Variants in PDCD10 observed in about 807,000 individuals in gnomAD.
PDCD10 encodes programmed cell death 10, also known as programmed cell death protein 10.
Under a neutral mutation model 29.2 loss-of-function variants are expected in PDCD10, and 4 were observed. The ratio of observed to expected loss-of-function variants is 0.14; its 90% CI spans 0.07 to 0.31. The LOEUF is 0.31. Among genes scored for constraint, PDCD10 ranks in the 10% least tolerant of loss-of-function variants. The pLI, the probability that PDCD10 is intolerant of heterozygous loss-of-function variation, is 1.00. For missense variants in PDCD10, 183 were observed against 257.9 expected (o/e 0.71, Z 1.99); for synonymous variants, 70 against 82.2 (o/e 0.85, Z 0.80).
chr3:167,684,622 T>C (rs374161744), intron 8 of PDCD10, among the ~76,000 whole-genome samples: 1 of 152,164 alleles, frequency 6.6e-6, no homozygotes, highest in African/African-American at 2.4e-5. Flanking sequence ...GGAGGACTGC[T>C]AATGATAGTG....
At chr3:167,732,214 T>TA (rs1368246946) in intron 2 of PDCD10, among the ~76,000 whole-genome samples, 1 of 152,204 alleles carries the variant, frequency 6.6e-6, no homozygotes, top group Admixed American at 6.5e-5. Context: ...TCCCACCAGT[T>TA]ACAAGTCACT....
chr3:167,696,753 A>G (rs1222079991), intron 5 of PDCD10, among the ~76,000 whole-genome samples: 2 of 152,130 alleles, frequency 1.3e-5, no homozygotes, highest in Admixed American at 6.6e-5. Context: ...TAAAGGGGGG[A>G]AAAATTGAAG....
intron 2 of PDCD10, among the ~76,000 whole-genome samples, chr3:167,721,546 A>C (rs1723563396): frequency 6.6e-6 from 1 of 152,190 alleles, no homozygotes; most frequent in African/African-American, 2.4e-5. Context: ...AGACCTAACA[A>C]GACTGAAAGA....
chr3:167,718,444 G>A (rs559400009), intron 3 of PDCD10, among the ~76,000 whole-genome samples: 1 of 152,156 alleles, frequency 6.6e-6, no homozygotes, highest in East Asian at 1.9e-4. Context: ...AGCTGCCAAA[G>A]AGGGACATAA....
intron 6 of PDCD10, 39 bp downstream of exon 6, chr3:167,695,557 C>T: frequency 6.3e-7 from 1 of 1,597,672 alleles, no homozygotes; most frequent in Non-Finnish European, 8.6e-7. Context: ...CTCGGAAGTA[C>T]TTTTAAGAAA....
intron 4 of PDCD10, among the ~76,000 whole-genome samples, chr3:167,698,455 G>A (rs576956557): frequency 1.3e-5 from 2 of 152,170 alleles, no homozygotes; most frequent in East Asian, 3.9e-4. Flanking sequence ...AGGACTGCTT[G>A]AGCCCAGGAG....
At chr3:167,702,131 A>G (rs561492948) in intron 4 of PDCD10, among the ~76,000 whole-genome samples, 52 of 152,310 alleles carry the variant, frequency 3.4e-4, no homozygotes, top group African/African-American at 1.2e-3. Flanking sequence ...AAACATTTTT[A>G]GAGAAATGAC....
At chr3:167,723,854 A>G (rs1723832078) in intron 2 of PDCD10, among the ~76,000 whole-genome samples, 1 of 152,226 alleles carries the variant, frequency 6.6e-6, no homozygotes, top group Non-Finnish European at 1.5e-5. Context: ...AGTATAAGCA[A>G]TCTTCTCACT....
At chr3:167,709,953 C>G (rs1186870417) in intron 3 of PDCD10, among the ~76,000 whole-genome samples, 2 of 152,136 alleles carry the variant, frequency 1.3e-5, no homozygotes, top group Non-Finnish European at 2.9e-5. Flanking sequence ...GGCCCTATCT[C>G]CTGGACAACA....
chr3:167,728,354 T>C (rs1409124859), intron 2 of PDCD10, among the ~76,000 whole-genome samples: 1 of 152,092 alleles, frequency 6.6e-6, no homozygotes, highest in Non-Finnish European at 1.5e-5. Flanking sequence ...CATTTAACAT[T>C]CCCAACTGGC....
chr3:167,702,270 C>G (rs191172432), intron 4 of PDCD10, among the ~76,000 whole-genome samples: 1 of 152,214 alleles, frequency 6.6e-6, no homozygotes, highest in South Asian at 2.1e-4. Context: ...CCCTTCTCTT[C>G]TTCCTCCTCC....
At chr3:167,720,344 T>C (rs1723446283) in intron 2 of PDCD10, 71 bp from the exon 3 acceptor site, 2 of 567,122 alleles carry the variant, frequency 3.5e-6, no homozygotes, top group Non-Finnish European at 6.3e-6. Context: ...ATAATTTTCC[T>C]TTCCAAATTA....
At chr3:167,696,038 C>T (rs1483853062) in intron 5 of PDCD10, among the ~76,000 whole-genome samples, 3 of 150,822 alleles carry the variant, frequency 2.0e-5, no homozygotes, top group Admixed American at 6.6e-5. Context: ...TAAGTTCAAC[C>T]GTACTCTGAC....
intron 5 of PDCD10, among the ~76,000 whole-genome samples, 182 bp from the exon 6 acceptor site, chr3:167,695,904 C>T (rs963561228): frequency 6.6e-6 from 1 of 151,664 alleles, no homozygotes; most frequent in Non-Finnish European, 1.5e-5. Flanking sequence ...AACAGCAGGG[C>T]TCCCTTCAAG....
intron 3 of PDCD10, 97 bp downstream of exon 3, chr3:167,719,965 G>C: frequency 1.1e-6 from 1 of 888,766 alleles, no homozygotes; most frequent in East Asian, 2.5e-5. Context: ...GTTCATTCAT[G>C]CTAGTATTTG....
chr3:167,690,261 C>T (rs1720080450), intron 6 of PDCD10, among the ~76,000 whole-genome samples: 1 of 152,166 alleles, frequency 6.6e-6, no homozygotes, highest in Non-Finnish European at 1.5e-5. Flanking sequence ...CAAAAAACTG[C>T]AATAGAAAAG....
intron 3 of PDCD10, among the ~76,000 whole-genome samples, chr3:167,717,146 G>C (rs1723104962): frequency 6.6e-6 from 1 of 152,000 alleles, no homozygotes; most frequent in Non-Finnish European, 1.5e-5. Context: ...CTTCTTCTCA[G>C]CTGTCCTGGC....
At chr3:167,733,977 T>C (rs2108519439) in intron 2 of PDCD10, among the ~76,000 whole-genome samples, 1 of 152,352 alleles carries the variant, frequency 6.6e-6, no homozygotes, top group East Asian at 1.9e-4. Flanking sequence ...AACAACTTTT[T>C]ATCTCACAAT....
chr3:167,710,375 T>A (rs1722412771), intron 3 of PDCD10, among the ~76,000 whole-genome samples: 1 of 152,138 alleles, frequency 6.6e-6, no homozygotes, highest in African/African-American at 2.4e-5. Context: ...CACCACAGGC[T>A]GACTGAAGAG....
Sources: allele counts gnomAD v4.1 joint callset (sites outside exome capture counted in the v4.1 genomes callset), GRCh38; gene constraint gnomAD v4.1.1; transcripts MANE v1.5; gene names NCBI Gene and HGNC (gene_info 2026-07-23, HGNC 2026-07-21).